Variants in SCFD2 observed in about 807,000 individuals in gnomAD.
SCFD2 encodes the protein sec1 family domain-containing protein 2.
Under a neutral mutation model 58.9 loss-of-function variants are expected in SCFD2, and 54 were observed. The observed-to-expected ratio is 0.92, with a 90% CI of 0.74 to 1.15. The LOEUF is 1.15. Among genes scored for constraint, SCFD2 ranks in the 50% most tolerant of loss-of-function variants. The pLI is 0.00. For missense variants in SCFD2, 805 were observed against 836.6 expected, an observed-to-expected ratio of 0.96 and a Z score of 0.47; for synonymous variants, 321 against 335.9, an observed-to-expected ratio of 0.96 and a Z score of 0.49.
At chr4:53,318,837 ATT>A in intron 2 of SCFD2, among the ~76,000 whole-genome samples, 1 of 152,296 alleles carries the variant, frequency 6.6e-6, no homozygotes, top group African/African-American at 2.4e-5. Context: ...TTTCAAAAGC[ATT>A]TCAGAATTTA....
chr4:53,210,738 G>C (rs115291101), intron 4 of SCFD2, among the ~76,000 whole-genome samples: 2 of 151,852 alleles, frequency 1.3e-5, no homozygotes, highest in Non-Finnish European at 2.9e-5. Context: ...TTCCTGGCTC[G>C]TAACTCCCAC....
intron 5 of SCFD2, among the ~76,000 whole-genome samples, chr4:52,990,835 A>G (rs1721598515): frequency 1.3e-5 from 2 of 152,212 alleles, no homozygotes; most frequent in Admixed American, 1.3e-4. Flanking sequence ...TGCAGTAATG[A>G]TAAAGAAACT....
At chr4:53,199,982 G>A (rs538830869) in intron 4 of SCFD2, among the ~76,000 whole-genome samples, 41 of 152,066 alleles carry the variant, frequency 2.7e-4, no homozygotes, top group African/African-American at 8.0e-4. Context: ...GGGAGAGAGA[G>A]AGAGAATGCA....
intron 5 of SCFD2, among the ~76,000 whole-genome samples, chr4:53,084,368 A>T (rs896349739): frequency 1.1e-4 from 16 of 152,124 alleles, no homozygotes; most frequent in East Asian, 5.8e-4. Flanking sequence ...AGGCAATGAG[A>T]TCTTATGGTT....
intron 5 of SCFD2, among the ~76,000 whole-genome samples, chr4:53,070,271 G>A (rs1723778872): frequency 6.6e-6 from 1 of 151,986 alleles, no homozygotes; most frequent in Non-Finnish European, 1.5e-5. Flanking sequence ...CATTTTATGT[G>A]TTGTTCAACA....
At chr4:52,890,267 A>C (rs1325513319) in intron 7 of SCFD2, among the ~76,000 whole-genome samples, 1 of 152,228 alleles carries the variant, frequency 6.6e-6, no homozygotes, top group East Asian at 1.9e-4. Flanking sequence ...TCTTGGAAGG[A>C]TGTATTGACA....
chr4:53,298,676 C>A lies in SCFD2; in HGVS notation c.1135+14960G>T, dbSNP rs578262281. On this transcript the variant is annotated intron_variant, in intron 3 of 8. Transcript: ENST00000401642. The stretch of plus-strand genomic sequence containing the variant: ...AGTGGGTCCTTGACCCCCGAGTAGC[C>A]TAACTGGGAGGCACCCCCCAGTAGC... Among the ~76,000 whole-genome samples, 3 of 152,302 alleles carry A rather than the reference C, an allele frequency of 2.0e-5. No individual in the cohort carries two copies. In the East Asian group the frequency reaches 5.8e-4, roughly 29 times the overall value.
chr4:53,274,005 GA>G lies in SCFD2; in HGVS notation c.1136-5del. 1 of 1,605,292 alleles carries G rather than the reference GA, an allele frequency of 6.2e-7. No homozygotes were observed. The highest frequency in any genetic ancestry group is 1.1e-5 in the South Asian group (1 of 88,908). On this transcript the variant is annotated splice_region_variant and splice_polypyrimidine_tract_variant and intron_variant, in intron 3 of 8. Coordinates refer to ENST00000401642, the MANE Select transcript of SCFD2 (RefSeq NM_152540.4). ...AGCTGTCCCGGTGTGACTCTCCCTG[GA>G]AACATAAGAATTTATCAGTGTACCC...
At chr4:53,217,202 A>C (rs4864731) in intron 4 of SCFD2, among the ~76,000 whole-genome samples, 1 of 151,996 alleles carries the variant, frequency 6.6e-6, no homozygotes, top group Admixed American at 6.5e-5. Context: ...GGATATCCTT[A>C]TTAACTTTCT....
intron 5 of SCFD2, among the ~76,000 whole-genome samples, chr4:52,962,519 A>T (rs537640495): frequency 9.2e-5 from 14 of 152,350 alleles, no homozygotes; most frequent in African/African-American, 3.1e-4. Context: ...AAGGTAGCAC[A>T]TTTAAGAAGA....
At chr4:52,900,189 G>T (rs1322003486) in intron 7 of SCFD2, among the ~76,000 whole-genome samples, 1 of 152,186 alleles carries the variant, frequency 6.6e-6, no homozygotes, top group East Asian at 1.9e-4. Flanking sequence ...TCCGTTGCTG[G>T]TGAGGAGCTG....
At chr4:53,245,038 C>A (rs1730022972) in intron 4 of SCFD2, among the ~76,000 whole-genome samples, 1 of 151,626 alleles carries the variant, frequency 6.6e-6, no homozygotes, top group South Asian at 2.1e-4. Flanking sequence ...ACACATACAC[C>A]CTCCCAAGAA....
At chr4:53,213,458 T>C (rs934185154) in intron 4 of SCFD2, among the ~76,000 whole-genome samples, 2 of 152,128 alleles carry the variant, frequency 1.3e-5, no homozygotes, top group African/African-American at 4.8e-5. Flanking sequence ...AGAGTGACTA[T>C]GATCTCGAAA....
At chr4:52,880,557 C>T (rs1718584736) in intron 8 of SCFD2, among the ~76,000 whole-genome samples, 1 of 147,838 alleles carries the variant, frequency 6.8e-6, no homozygotes, top group Non-Finnish European at 1.5e-5. Context: ...GTGGAGGTTG[C>T]TATGAGCTGA....
intron 5 of SCFD2, among the ~76,000 whole-genome samples, chr4:53,107,730 T>C (rs1288918321): frequency 6.6e-6 from 1 of 152,222 alleles, no homozygotes; most frequent in Non-Finnish European, 1.5e-5. Flanking sequence ...ATAAAATAAG[T>C]TCTTACAGAT....
At chr4:52,920,592 A>G (rs1266623444) in intron 6 of SCFD2, 133 bp downstream of exon 6, 1 of 542,968 alleles carries the variant, frequency 1.8e-6, no homozygotes, top group Non-Finnish European at 3.0e-6. Context: ...ACTCTGAACT[A>G]AAAGAGAACT....
intron 5 of SCFD2, among the ~76,000 whole-genome samples, chr4:53,121,031 C>T (rs1169895883): frequency 1.3e-5 from 2 of 152,192 alleles, no homozygotes; most frequent in Non-Finnish European, 1.5e-5. Flanking sequence ...GTGCCATATC[C>T]GGTACTTGAT....
At chr4:53,302,752 C>G (rs532494636) in intron 3 of SCFD2, among the ~76,000 whole-genome samples, 7 of 152,080 alleles carry the variant, frequency 4.6e-5, no homozygotes, top group African/African-American at 7.2e-5. Flanking sequence ...CCAAAACAGA[C>G]ATATAGACCA....
chr4:52,951,691 C>T (rs1176521638), intron 5 of SCFD2, among the ~76,000 whole-genome samples: 1 of 152,138 alleles, frequency 6.6e-6, no homozygotes, highest in East Asian at 1.9e-4. Context: ...ACACGAGACC[C>T]TCCAGCTCAG....
Sources: allele counts gnomAD v4.1 joint callset (sites outside exome capture counted in the v4.1 genomes callset), GRCh38; gene constraint gnomAD v4.1.1; transcripts MANE v1.5; gene names NCBI Gene and HGNC (gene_info 2026-07-23, HGNC 2026-07-21).